Variants in PLXNA3 observed in about 807,000 individuals in gnomAD.
PLXNA3 encodes the protein plexin-A3.
In PLXNA3, 52 loss-of-function variants were observed where a neutral mutation model predicts 118.8. The observed-to-expected ratio is 0.44, with a 90% CI of 0.35 to 0.55. PLXNA3 has a LOEUF of 0.55. Among genes scored for constraint, PLXNA3 ranks in the 20% least tolerant of loss-of-function variants. The pLI is 0.01. For synonymous variants in PLXNA3, 925 were observed against 762.4 expected (o/e 1.21, Z -3.51); for missense variants, 1,660 against 1,730.8 (o/e 0.96, Z 0.73).
In PLXNA3 at chrX:154,467,674, C is replaced by A. The variant is rs146456043; in HGVS notation, c.3571C>A (p.Arg1191=). Residue 1191 remains arginine (R), a synonymous_variant, in exon 20 of 33, where the codon CGG becomes AGG. Transcript: ENST00000369682. The part of the protein sequence containing the change: ...LLCDSPSQTG[R]QPVMVLVGGL... ...GTGCGACTCACCCAGCCAGACTGGC[C>A]GGCAGCCTGTCATGGTAGGTGGGGA... is the stretch of plus-strand genomic sequence containing the variant. The A allele has an allele frequency of 5.7e-5, 69 of 1,207,756 alleles. No homozygotes were observed. Among genetic ancestry groups the A allele is most frequent in the Non-Finnish European group, 7.5e-5 (67 of 894,649 alleles).
rs1557203830 is a variant in PLXNA3 at position 154,460,815 on chromosome X, C to A, written c.594+38C>A. The A allele has an allele frequency of 8.3e-6, 8 of 961,738 alleles. No homozygotes were observed. The African/African-American group carries it at 1.5e-4, about 19-fold the overall frequency. The allele number at this position is 961,738 out of a possible 1,213,427, so 79.3% of individuals were successfully genotyped here. On this transcript the variant is annotated intron_variant, in intron 2 of 32. Transcript: ENST00000369682. ...TCCTTCTCTTCTTCCTCCACCCAGT[C>A]CTGGCTCTGCCTCCCAGAAGAGCCC... is the stretch of plus-strand genomic sequence containing the variant.
At position 154,461,367 on chromosome X, in the gene PLXNA3, A is replaced by G; in HGVS notation, c.863A>G (p.Glu288Gly). The change falls in exon 3 of 33, where the codon GAG becomes GGG. Residue 288 changes from glutamate (E) to glycine (G), a missense_variant. Physicochemically the swap from Glu to Gly is moderately conservative, Grantham distance 98. Transcript: ENST00000369682. The stretch of plus-strand genomic sequence containing the variant: ...ATCGGCTGCTCCTGGCGCGGCGTGG[A>G]GTACCGCTTGGTGCAGAGCGCCCAC... The part of the protein sequence containing the change: ...FPIGCSWRGV[E>G]YRLVQSAHLA... 8.3e-7 allele frequency: 1 copy of G among 1,211,987 alleles called. No homozygotes were observed. Among genetic ancestry groups the G allele is most frequent in the Non-Finnish European group, 1.1e-6 (1 of 895,570 alleles).
chrX:154,469,320 A>G, intron 26 of PLXNA3, 59 bp from the exon 27 acceptor site: 1 of 1,153,298 alleles, frequency 8.7e-7, no homozygotes, highest in Non-Finnish European at 1.2e-6. Context: ...TCCAAAGAGG[A>G]GTGGGCCAGG....
At chrX:154,462,395 GAGGAC>G (rs1353180410) in intron 4 of PLXNA3, 85 bp downstream of exon 4, 4 of 769,693 alleles carry the variant, frequency 5.2e-6, no homozygotes, top group Non-Finnish European at 7.1e-6. Context: ...GGAGAGCTCT[GAGGAC>G]AGGACAGGAG....
rs372517205 is a variant in PLXNA3, at chrX:154,471,242, G to T, written c.5294G>T (p.Arg1765Leu). The change falls in exon 31 of 33, where the codon CGC (arginine) becomes CTC (leucine). Residue 1765 changes from arginine (R) to leucine (L), a missense_variant. By Grantham distance (102) the Arg-to-Leu change is moderately radical (BLOSUM62 -2). Coordinates refer to ENST00000369682, the MANE Select transcript of PLXNA3 (RefSeq NM_017514.5). The part of the protein sequence containing the change: ...FMDSCSTSEH[R>L]LGKDSPSNKL... ...GACTCCTGCTCTACATCCGAGCACC[G>T]CCTGGGGAAGGACTCGCCCTCCAAC... 5.0e-6 allele frequency: 6 copies of T among 1,209,638 alleles called. No individual in the cohort carries two copies. In the Admixed American group the frequency reaches 8.7e-5, roughly 18 times the overall value.
At position 154,466,949 on chromosome X, in the gene PLXNA3, C is replaced by G. The variant is rs938473064; in HGVS notation, c.3108-108C>G. 5.7e-6 allele frequency: 5 copies of G among 872,970 alleles called. No individual in the cohort carries two copies. The African/African-American group carries it at 6.0e-5, about 10-fold the overall frequency. The allele number at this position is 872,970 out of a possible 1,213,427, so 71.9% of individuals were successfully genotyped here. A position where few individuals can be genotyped will look rare whatever the true frequency, so the allele number is the denominator to read the frequency against. On this transcript the variant is annotated intron_variant, in intron 17 of 32. Transcript: ENST00000369682. ...TGCACAGTACCCGGCACCCACTAGG[C>G]GATCCAGGGTCAGGGAAGGCCTGGG... is the stretch of plus-strand genomic sequence containing the variant.
Position 154,464,149 on chromosome X carries a change from TC to T in PLXNA3, c.1672-3del. 3 of 1,207,359 alleles carry T rather than the reference TC, an allele frequency of 2.5e-6. No homozygotes were observed. Among genetic ancestry groups the T allele is most frequent in the Non-Finnish European group, 3.4e-6 (3 of 893,151 alleles). ...TCCGCCCTGCCCTGAGCCCTCTGCTTCCCCCAGCTGACCGTCACCCTGCACA... is the reference window on the plus strand; with the variant it reads ...TCCGCCCTGCCCTGAGCCCTCTGCTTCCCCAGCTGACCGTCACCCTGCACA... On this transcript the variant is annotated splice_region_variant and splice_polypyrimidine_tract_variant and intron_variant, in intron 7 of 32. Coordinates refer to ENST00000369682, the MANE Select transcript of PLXNA3 (RefSeq NM_017514.5).
intron 32 of PLXNA3, 136 bp from the exon 33 acceptor site, chrX:154,472,454 T>C: frequency 2.1e-6 from 1 of 474,124 alleles, no homozygotes; most frequent in Non-Finnish European, 3.8e-6. Context: ...AGCTGGTGGG[T>C]TTGTACAGGG....
In PLXNA3 at chrX:154,465,080, T is replaced by C. The variant is rs782336088; in HGVS notation, c.2106T>C (p.Leu702=). The change falls in exon 11 of 33, where the codon CTT becomes CTC. Residue 702 remains leucine (L), a synonymous_variant. Transcript: ENST00000369682. ...LLIPVGVMQP[L]TLRAKNLPQP... ...TCCCCGTTGGGGTCATGCAGCCTCT[T>C]ACCTTGCGGGCTAAGAACCTACCTC... 8.3e-7 allele frequency: 1 copy of C among 1,208,576 alleles called. No individual in the cohort carries two copies. The highest frequency in any genetic ancestry group is 1.8e-5 in the South Asian group (1 of 56,609).
In PLXNA3 at chrX:154,464,357, C is replaced by T. The variant is rs1422468303; in HGVS notation, c.1828+44C>T. ...CCCAGGATGGGGCAGAGTGGGGCCT[C>T]TCCCTACCCCCAGCGAGTTCACGGC... On this transcript the variant is annotated intron_variant, in intron 8 of 32. Transcript: ENST00000369682. 7.5e-6 allele frequency: 9 copies of T among 1,201,872 alleles called. No individual in the cohort carries two copies. In the East Asian group the frequency reaches 8.9e-5, roughly 12 times the overall value.
intron 1 of PLXNA3, among the ~76,000 whole-genome samples, chrX:154,458,933 C>T (rs1056946633): frequency 1.2e-4 from 13 of 111,725 alleles, no homozygotes; most frequent in African/African-American, 4.2e-4. Context: ...CTTGTGTTCC[C>T]GGGGTGTAGA....
chrX:154,468,131 C>T lies in PLXNA3; in HGVS notation c.3870C>T (p.Asp1290=), dbSNP rs781926668. The change falls in exon 22 of 33, where the codon GAC becomes GAT. Residue 1290 remains aspartate (D), a synonymous_variant. Transcript: ENST00000369682. ...TDINELTNHM[D]EVQIPFLDYR... is the part of the protein sequence containing the mutation. Reference sequence around the variant, plus strand: ...TCAATGAGCTGACTAACCACATGGACGAGGTGCAGATCCCCTTCCTGGACT... The same window carrying T: ...TCAATGAGCTGACTAACCACATGGATGAGGTGCAGATCCCCTTCCTGGACT... 8 of 1,192,837 alleles carry T rather than the reference C, an allele frequency of 6.7e-6. No homozygotes were observed. Among genetic ancestry groups the T allele is most frequent in the Non-Finnish European group, 7.9e-6 (7 of 885,183 alleles).
At chrX:154,462,383 C>T (rs963363100) in intron 4 of PLXNA3, 73 bp downstream of exon 4, 4 of 809,961 alleles carry the variant, frequency 4.9e-6, no homozygotes, top group African/African-American at 4.3e-5. Flanking sequence ...TGGGAACACA[C>T]GGGAGAGCTC....
At chrX:154,466,554 G>C in intron 16 of PLXNA3, 42 bp downstream of exon 16, 1 of 1,191,472 alleles carries the variant, frequency 8.4e-7, no homozygotes, top group Non-Finnish European at 1.1e-6. Flanking sequence ...GCATCGTGTG[G>C]GGGGCCGTGG....
rs782470754 is a variant in PLXNA3 at position 154,470,151 on chromosome X, G to A, written c.4970G>A (p.Arg1657Gln). The A allele has an allele frequency of 1.7e-6, 2 of 1,210,233 alleles. No homozygotes were observed. The highest frequency in any genetic ancestry group is 1.8e-5 in the South Asian group (1 of 56,833). The change falls in exon 29 of 33, where the codon CGG becomes CAG. Residue 1657 changes from arginine to glutamine, a missense_variant. Coordinates refer to ENST00000369682, the MANE Select transcript of PLXNA3 (RefSeq NM_017514.5). ...ATGGTCTCCGAGATCTACCTGACAC[G>A]GCTGCTGGCCACCAAGGTATGGGCC... ...SKMVSEIYLT[R>Q]LLATKGTLQK...
intron 1 of PLXNA3, among the ~76,000 whole-genome samples, 167 bp downstream of exon 1, chrX:154,458,595 A>G (rs782675829): frequency 8.9e-5 from 10 of 112,177 alleles, no homozygotes; most frequent in Non-Finnish European, 1.7e-4. Flanking sequence ...ACGCCAACCC[A>G]AGACCAACAC....
At position 154,469,445 on chromosome X, in the gene PLXNA3, G is replaced by A; in HGVS notation, c.4661G>A (p.Cys1554Tyr). The change falls in exon 27 of 33, where the codon TGT becomes TAT. Residue 1554 changes from cysteine (C) to tyrosine (Y), a missense_variant. Physicochemically the swap from Cys to Tyr is radical, Grantham distance 194. Coordinates refer to ENST00000369682, the MANE Select transcript of PLXNA3 (RefSeq NM_017514.5). ...GAGGATGTCACCACCAAGATCGAGT[G>A]TGACTGGAAGAGGCTCAACTCACTG... ...QDEDVTTKIE[C>Y]DWKRLNSLAH... is the part of the protein sequence containing the mutation. 1 of 1,209,095 alleles carries A rather than the reference G, an allele frequency of 8.3e-7. No homozygotes were observed. The highest frequency in any genetic ancestry group is 1.1e-6 in the Non-Finnish European group (1 of 893,441).
In PLXNA3 at chrX:154,476,776, C is replaced by T. The variant is rs992486684; in HGVS notation, c.*4091C>T. ...GCTGTGGGCCAGTGAGGGACAGCGA[C>T]GTGTGGGAGCTGGGAAACAAGGTAA... On this transcript the variant is annotated 3_prime_UTR_variant, in exon 33 of 33. Coordinates refer to ENST00000369682, the MANE Select transcript of PLXNA3 (RefSeq NM_017514.5). 23 of 112,064 alleles carry T rather than the reference C, an allele frequency of 2.1e-4. No homozygotes were observed. In the Admixed American group the frequency reaches 2.2e-3, roughly 11 times the overall value. 9.2% of individuals were successfully genotyped at this position (112,064 alleles called of 1,213,427 possible).
Position 154,462,142 on chromosome X carries a change from C to G in PLXNA3, c.1149C>G (p.Asn383Lys). 1 of 1,194,688 alleles carries G rather than the reference C, an allele frequency of 8.4e-7. No homozygotes were observed. Residue 383 changes from asparagine to lysine, a missense_variant, in exon 4 of 33, where the codon AAC becomes AAG. Asn to Lys is a moderately conservative substitution (Grantham distance 94, BLOSUM62 0). Transcript: ENST00000369682. ...LPCINTPMQI[N>K]GNFCGLVLNQ... ...TGTTTCACCAGCCCATGCAGATCAACGGCAACTTCTGTGGGCTGGTGTTGA... is the reference window on the plus strand; with the variant it reads ...TGTTTCACCAGCCCATGCAGATCAAGGGCAACTTCTGTGGGCTGGTGTTGA...
Sources: allele counts gnomAD v4.1 joint callset (sites outside exome capture counted in the v4.1 genomes callset), GRCh38; gene constraint gnomAD v4.1.1; transcripts MANE v1.5; gene names NCBI Gene and HGNC (gene_info 2026-07-23, HGNC 2026-07-21).